Variants in CHL1 observed in about 807,000 individuals in gnomAD.
CHL1 encodes the protein neural cell adhesion molecule L1-like protein.
Under a neutral mutation model 141.9 loss-of-function variants are expected in CHL1, and 96 were observed. That is an observed-to-expected ratio of 0.68 (90% CI 0.57 to 0.80). The LOEUF is 0.80. Ranked by LOEUF, CHL1 falls within the 30% of genes least tolerant of loss-of-function variation. The probability of loss-of-function intolerance (pLI) is 0.00; values close to 1 mark genes in which losing one functional copy is unlikely to be tolerated. For synonymous variants in CHL1, 613 were observed against 502.2 expected, an observed-to-expected ratio of 1.22 and a Z score of -2.95; for missense variants, 1,820 against 1,457.2, an observed-to-expected ratio of 1.25 and a Z score of -4.05.
In CHL1 at chr3:391,804, A is replaced by G. The variant is rs751336912; in HGVS notation, c.2914+7A>G. The stretch of plus-strand genomic sequence containing the variant: ...CTTTTGCAATATCAGATAAGTAAGT[A>G]GAAATTTGAATTGGAGTTAACTTGT... On this transcript the variant is annotated splice_region_variant and intron_variant, in intron 23 of 27. Coordinates refer to ENST00000256509, the MANE Select transcript of CHL1 (RefSeq NM_006614.4). The G allele has an allele frequency of 1.3e-6, 2 of 1,576,386 alleles. No homozygotes were observed. The highest frequency in any genetic ancestry group is 1.7e-6 in the Non-Finnish European group (2 of 1,161,700).
intron 2 of CHL1, among the ~76,000 whole-genome samples, chr3:290,946 A>AAAG (rs1184588374): frequency 6.6e-6 from 1 of 151,750 alleles, no homozygotes; most frequent in African/African-American, 2.4e-5. Context: ...AAAAAAAAAA[A>AAAG]AAAGAAAGAA....
intron 15 of CHL1, chr3:373,885 A>C (rs1292166107): frequency 1.3e-5 from 2 of 152,326 alleles, no homozygotes; most frequent in African/African-American, 4.8e-5. Flanking sequence ...ACTGCACCAC[A>C]CTGTTCTTCC....
chr3:243,995 G>A (rs1402034941), intron 1 of CHL1, among the ~76,000 whole-genome samples: 2 of 152,188 alleles, frequency 1.3e-5, no homozygotes. Context: ...CAATCCTTGA[G>A]ACACCTGGGA....
At chr3:242,272 T>G (rs1420947203) in intron 1 of CHL1, among the ~76,000 whole-genome samples, 3 of 151,978 alleles carry the variant, frequency 2.0e-5, no homozygotes, top group South Asian at 2.1e-4. Context: ...ATCATGCACC[T>G]ACAACATGAA....
At chr3:377,167 T>A (rs1197169336) in intron 15 of CHL1, among the ~76,000 whole-genome samples, 2 of 152,204 alleles carry the variant, frequency 1.3e-5, no homozygotes, top group Admixed American at 6.5e-5. Context: ...GAAGCAGTTT[T>A]CTCATAGTAA....
chr3:325,329 A>G (rs144485750), intron 3 of CHL1, among the ~76,000 whole-genome samples: 1 of 152,078 alleles, frequency 6.6e-6, no homozygotes, highest in Non-Finnish European at 1.5e-5. Context: ...TGGTGAAATG[A>G]TATTTACAAT....
intron 1 of CHL1, among the ~76,000 whole-genome samples, chr3:235,258 A>G (rs1275258148): frequency 6.6e-6 from 1 of 152,104 alleles, no homozygotes; most frequent in African/African-American, 2.4e-5. Flanking sequence ...ACCTATGGCA[A>G]TATTTAAGGT....
chr3:357,041 T>C (rs965792777), intron 11 of CHL1, among the ~76,000 whole-genome samples: 2 of 152,344 alleles, frequency 1.3e-5, no homozygotes, highest in African/African-American at 4.8e-5. Flanking sequence ...CATGGTTGGC[T>C]TCTGGATTTA....
chr3:361,522 C>G (rs1447522287), intron 12 of CHL1, among the ~76,000 whole-genome samples, 177 bp from the exon 13 acceptor site: 1 of 152,110 alleles, frequency 6.6e-6, no homozygotes, highest in African/African-American at 2.4e-5. Context: ...AACAAATTTA[C>G]AAGAAATTGT....
intron 23 of CHL1, among the ~76,000 whole-genome samples, chr3:392,405 T>C (rs1708298389): frequency 6.6e-6 from 1 of 152,232 alleles, no homozygotes; most frequent in African/African-American, 2.4e-5. Flanking sequence ...ACTAAATAAT[T>C]GTCTTTGGAT....
At chr3:324,604 ACTTT>A (rs1027887366) in intron 3 of CHL1, among the ~76,000 whole-genome samples, 1 of 132,086 alleles carries the variant, frequency 7.6e-6, no homozygotes, top group Non-Finnish European at 1.6e-5. Flanking sequence ...ATCACTTCCT[ACTTT>A]ATTTATTTAT....
intron 2 of CHL1, among the ~76,000 whole-genome samples, chr3:268,980 G>A (rs1341517299): frequency 6.6e-6 from 1 of 152,174 alleles, no homozygotes; most frequent in Admixed American, 6.5e-5. Flanking sequence ...TTTTGTTGTA[G>A]CTGTTGTTGC....
intron 8 of CHL1, among the ~76,000 whole-genome samples, chr3:343,325 A>G (rs963065063): frequency 6.6e-6 from 1 of 152,156 alleles, no homozygotes; most frequent in African/African-American, 2.4e-5. Context: ...AACGTCTCTT[A>G]TGGTATATAA....
At chr3:383,970 A>C in intron 19 of CHL1, 84 bp downstream of exon 19, 1 of 831,598 alleles carries the variant, frequency 1.2e-6, no homozygotes, top group East Asian at 2.5e-5. Context: ...TGATAGCACA[A>C]CATTTTTTTA....
chr3:333,117 T>A (rs1459412958), intron 5 of CHL1, among the ~76,000 whole-genome samples: 1 of 131,558 alleles, frequency 7.6e-6, no homozygotes, highest in Non-Finnish European at 1.6e-5. Context: ...TGTTGGATAA[T>A]TGCTCTATTT....
chr3:278,816 G>T (rs542964472), intron 2 of CHL1, among the ~76,000 whole-genome samples: 1 of 152,306 alleles, frequency 6.6e-6, no homozygotes, highest in African/African-American at 2.4e-5. Flanking sequence ...TCTCACACAG[G>T]AAGCAACGTT....
chr3:218,473 C>T (rs68109242), intron 1 of CHL1, among the ~76,000 whole-genome samples: 20,553 of 152,090 alleles, frequency 0.14, 1,689 homozygotes, highest in East Asian at 0.39. Flanking sequence ...GAAGATGTTA[C>T]CCACATCCTC....
intron 1 of CHL1, among the ~76,000 whole-genome samples, chr3:235,735 T>G (rs554438837): frequency 3.3e-5 from 5 of 152,332 alleles, no homozygotes; most frequent in Non-Finnish European, 5.9e-5. Flanking sequence ...CTGGGTCCTA[T>G]TTGAGATCTA....
chr3:199,920 G>T (rs1157848438), intron 1 of CHL1, among the ~76,000 whole-genome samples: 2 of 152,128 alleles, frequency 1.3e-5, no homozygotes, highest in Non-Finnish European at 2.9e-5. Flanking sequence ...TAATAGTTGG[G>T]GAACTACTGG....
Sources: gnomAD v4.1 joint callset for allele counts (sites outside exome capture counted in the v4.1 genomes callset) on GRCh38, gnomAD v4.1.1 for gene constraint, MANE v1.5 for transcripts, NCBI Gene and HGNC (gene_info 2026-07-23, HGNC 2026-07-21) for gene names.